PPP4R2: variants seen among roughly 807,000 people sequenced by gnomAD.
PPP4R2 encodes serine/threonine-protein phosphatase 4 regulatory subunit 2.
PPP4R2 carries 13 observed loss-of-function variants against 47.2 expected under a neutral mutation model. The observed-to-expected ratio is 0.28, with a 90% CI of 0.18 to 0.44. The LOEUF is 0.44. PPP4R2 is among the 20% of genes least tolerant of loss of function. The pLI is 1.00. For missense variants in PPP4R2, 421 were observed against 491.2 expected, an observed-to-expected ratio of 0.86 and a Z score of 1.35; for synonymous variants, 151 against 163.3, an observed-to-expected ratio of 0.92 and a Z score of 0.57.
intron 5 of PPP4R2, chr3:73,062,399 A>C (rs577880174): frequency 1.2e-6 from 2 of 1,607,638 alleles, no homozygotes; most frequent in Admixed American, 3.5e-5. Flanking sequence ...TTAAAAAAGC[A>C]GCCAAGTCTA....
intron 5 of PPP4R2, chr3:73,062,674 G>GT: frequency 1.9e-6 from 3 of 1,613,978 alleles, no homozygotes; most frequent in Non-Finnish European, 1.7e-6. Flanking sequence ...GCTGGATCAA[G>GT]TGATAAGATT....
intron 2 of PPP4R2, among the ~76,000 whole-genome samples, chr3:73,007,752 G>C (rs1410128029): frequency 6.6e-6 from 1 of 152,210 alleles, no homozygotes; most frequent in South Asian, 2.1e-4. Flanking sequence ...GCTTCCCGAA[G>C]TGCTGGGATA....
chr3:73,028,999 G>A (rs181212788), intron 2 of PPP4R2, among the ~76,000 whole-genome samples: 157 of 152,330 alleles, frequency 1.0e-3, no homozygotes, highest in African/African-American at 3.4e-3. Context: ...CAGTGTGAGT[G>A]CAGTGATGTG....
At chr3:73,017,060 C>CT (rs1701855397) in intron 2 of PPP4R2, among the ~76,000 whole-genome samples, 1 of 151,944 alleles carries the variant, frequency 6.6e-6, no homozygotes, top group African/African-American at 2.4e-5. Flanking sequence ...CTCCTGAGCT[C>CT]AAGTGATCTG....
intron 2 of PPP4R2, among the ~76,000 whole-genome samples, chr3:73,045,579 C>T: frequency 6.9e-6 from 1 of 143,956 alleles, no homozygotes; most frequent in African/African-American, 2.6e-5. Flanking sequence ...GGCTGGCGTG[C>T]AGTGATGCAA....
intron 2 of PPP4R2, among the ~76,000 whole-genome samples, chr3:73,041,601 T>C (rs1702381151): frequency 6.6e-6 from 1 of 152,248 alleles, no homozygotes; most frequent in Non-Finnish European, 1.5e-5. Flanking sequence ...GATTCCCGTT[T>C]GATGTTTATA....
At chr3:73,031,700 T>A (rs1702166820) in intron 2 of PPP4R2, among the ~76,000 whole-genome samples, 1 of 152,194 alleles carries the variant, frequency 6.6e-6, no homozygotes, top group African/African-American at 2.4e-5. Context: ...CCAGAGAGAA[T>A]GCCAATATAA....
At chr3:73,012,902 CTTT>C (rs202207828) in intron 2 of PPP4R2, among the ~76,000 whole-genome samples, 25 of 120,498 alleles carry the variant, frequency 2.1e-4, no homozygotes, top group African/African-American at 5.4e-4. Context: ...AGAATGTAGG[CTTT>C]TTTTTTTTTT....
chr3:73,054,969 A>C (rs1217346258), intron 3 of PPP4R2, among the ~76,000 whole-genome samples: 1 of 152,160 alleles, frequency 6.6e-6, no homozygotes, highest in East Asian at 1.9e-4. Flanking sequence ...CTTTCTTGGT[A>C]TTTGAATTTC....
chr3:73,063,089 T>C (rs374507487), intron 5 of PPP4R2: 11 of 601,102 alleles, frequency 1.8e-5, no homozygotes, highest in South Asian at 1.6e-4. Flanking sequence ...CACCCCATTA[T>C]TGGGGAGCTG....
At chr3:73,016,574 A>G (rs541029001) in intron 2 of PPP4R2, among the ~76,000 whole-genome samples, 2 of 152,272 alleles carry the variant, frequency 1.3e-5, no homozygotes, top group South Asian at 4.1e-4. Context: ...TGGTAAGACC[A>G]CCAATTAAGG....
chr3:73,059,449 T>C (rs1702796790), intron 4 of PPP4R2, among the ~76,000 whole-genome samples: 1 of 152,192 alleles, frequency 6.6e-6, no homozygotes, highest in Non-Finnish European at 1.5e-5. Flanking sequence ...TAGAGTGTTT[T>C]ATAAACTTAC....
chr3:73,052,950 A>G (rs1702650577), intron 3 of PPP4R2, among the ~76,000 whole-genome samples: 1 of 152,250 alleles, frequency 6.6e-6, no homozygotes, highest in South Asian at 2.1e-4. Context: ...TTATACTCCA[A>G]AGTCTGGATT....
chr3:72,997,222 G>T (rs936880496), intron 1 of PPP4R2, 151 bp downstream of exon 1: 14 of 521,396 alleles, frequency 2.7e-5, no homozygotes, highest in Non-Finnish European at 4.0e-5. Flanking sequence ...CCCCAGGGGC[G>T]GGGAGCCCTG....
chr3:73,030,775 C>T (rs1702152208), intron 2 of PPP4R2, among the ~76,000 whole-genome samples: 1 of 151,714 alleles, frequency 6.6e-6, no homozygotes, highest in African/African-American at 2.4e-5. Context: ...TGATCTCAGT[C>T]ACTGCATCCT....
chr3:73,058,849 A>G (rs985596892), intron 3 of PPP4R2, among the ~76,000 whole-genome samples, 188 bp from the exon 4 acceptor site: 4 of 137,872 alleles, frequency 2.9e-5, no homozygotes, highest in African/African-American at 8.1e-5. Flanking sequence ...TTTTTGTTAA[A>G]TAGAAAGGTA....
chr3:73,012,567 C>T (rs192005217), intron 2 of PPP4R2, among the ~76,000 whole-genome samples: 1 of 152,336 alleles, frequency 6.6e-6, no homozygotes, highest in Non-Finnish European at 1.5e-5. Context: ...CTCCAAAGTG[C>T]TGGGGCTACA....
Position 73,064,126 on chromosome 3 carries a change from A to G in PPP4R2, c.618A>G (p.Gln206=). The G allele has an allele frequency of 6.2e-7, 1 of 1,608,150 alleles. No individual in the cohort carries two copies. Among genetic ancestry groups the G allele is most frequent in the East Asian group, 2.2e-5 (1 of 44,858 alleles). The part of the protein sequence containing the change: ...STDSKEANLQ[Q]NEEKNHSDSS... ...ACAGCAAAGAGGCAAATTTGCAGCA[A>G]AATGAGGAGAAAAATCACAGGTTTG... Residue 206 remains glutamine, a synonymous_variant, in exon 7 of 9, where the codon CAA becomes CAG. Transcript: ENST00000356692.
At chr3:73,046,706 GA>G (rs34414321) in intron 2 of PPP4R2, among the ~76,000 whole-genome samples, 4 of 151,312 alleles carry the variant, frequency 2.6e-5, no homozygotes, top group East Asian at 1.9e-4. Context: ...ACTGAAAGGG[GA>G]AAAAAAAGGA....
Sources: gnomAD v4.1 joint callset for allele counts (sites outside exome capture counted in the v4.1 genomes callset) on GRCh38, gnomAD v4.1.1 for gene constraint, MANE v1.5 for transcripts, NCBI Gene and HGNC (gene_info 2026-07-23, HGNC 2026-07-21) for gene names.